Variants in DNM3 observed in about 807,000 individuals in gnomAD.
The protein encoded by DNM3 is dynamin-3.
DNM3 carries 47 observed loss-of-function variants against 101.6 expected under a neutral mutation model. That is an observed-to-expected ratio of 0.46 (90% CI 0.37 to 0.59). The LOEUF (loss-of-function observed/expected upper bound fraction) is 0.59, where lower values mean the gene tolerates loss of function less well. DNM3 is among the 20% of genes least tolerant of loss of function. The probability of loss-of-function intolerance (pLI) is 0.00; values close to 1 mark genes in which losing one functional copy is unlikely to be tolerated. For missense variants in DNM3, 849 were observed against 1,085.7 expected, an observed-to-expected ratio of 0.78 and a Z score of 3.06; for synonymous variants, 385 against 387.9, an observed-to-expected ratio of 0.99 and a Z score of 0.09.
At chr1:172,107,384 A>G (rs2147921994) in intron 13 of DNM3, among the ~76,000 whole-genome samples, 1 of 147,898 alleles carries the variant, frequency 6.8e-6, no homozygotes, top group Non-Finnish European at 1.5e-5. Flanking sequence ...TATAGTTACT[A>G]AGTGGAATGT....
chr1:171,985,656 T>C (rs2045196650), intron 2 of DNM3, among the ~76,000 whole-genome samples: 1 of 152,244 alleles, frequency 6.6e-6, no homozygotes, highest in Non-Finnish European at 1.5e-5. Context: ...CTCATGTCCA[T>C]GCATGTTGTC....
At chr1:171,975,259 G>T (rs1284368567) in intron 2 of DNM3, among the ~76,000 whole-genome samples, 1 of 152,146 alleles carries the variant, frequency 6.6e-6, no homozygotes, top group African/African-American at 2.4e-5. Flanking sequence ...CGTCTTATCA[G>T]ATGAATTGGC....
chr1:171,844,841 G>T (rs2031820027), intron 1 of DNM3, among the ~76,000 whole-genome samples: 3 of 152,014 alleles, frequency 2.0e-5, no homozygotes, highest in Admixed American at 6.6e-5. Flanking sequence ...GTATACAGAA[G>T]AATTGAATTT....
chr1:172,028,951 TAGATTCACAGCC>T (rs138404086), intron 4 of DNM3, among the ~76,000 whole-genome samples: 24,969 of 151,968 alleles, frequency 0.16, 2,623 homozygotes, highest in Non-Finnish European at 0.24. Context: ...CAGGACCAGA[TAGATTCACAGCC>T]AAATTCTACC....
chr1:172,146,798 T>C (rs2057922449), intron 14 of DNM3, among the ~76,000 whole-genome samples: 2 of 152,162 alleles, frequency 1.3e-5, no homozygotes, highest in African/African-American at 4.8e-5. Context: ...CTTTCATTTA[T>C]GTCCATAAGA....
At chr1:172,027,617 C>CACACACACACACACAGAGAG (rs34981346) in intron 4 of DNM3, among the ~76,000 whole-genome samples, 4 of 147,022 alleles carry the variant, frequency 2.7e-5, no homozygotes, top group African/African-American at 1.0e-4. Context: ...CACACACACA[C>CACACACACACACACAGAGAG]AGAGAGAGAG....
At chr1:172,154,655 G>A (rs530982396) in intron 14 of DNM3, among the ~76,000 whole-genome samples, 2 of 152,152 alleles carry the variant, frequency 1.3e-5, no homozygotes, top group South Asian at 4.1e-4. Flanking sequence ...TTTGGAATTT[G>A]CAAAACCTAA....
intron 10 of DNM3, among the ~76,000 whole-genome samples, chr1:172,063,909 G>A (rs186615786): frequency 6.6e-6 from 1 of 151,962 alleles, no homozygotes; most frequent in Non-Finnish European, 1.5e-5. Context: ...AATCCTCAGA[G>A]GACCTCTCAC....
At chr1:172,056,421 C>G (rs1386210943) in intron 10 of DNM3, among the ~76,000 whole-genome samples, 2 of 152,198 alleles carry the variant, frequency 1.3e-5, no homozygotes, top group East Asian at 3.9e-4. Flanking sequence ...CAGCAGTAAC[C>G]TCTGCAGACT....
intron 13 of DNM3, among the ~76,000 whole-genome samples, chr1:172,121,281 AG>A (rs2056302565): frequency 6.6e-6 from 1 of 152,240 alleles, no homozygotes; most frequent in Non-Finnish European, 1.5e-5. Flanking sequence ...GGTTTAGGTG[AG>A]TAAACTCTGA....
chr1:172,151,816 T>C (rs1361748819), intron 14 of DNM3, among the ~76,000 whole-genome samples: 1 of 152,026 alleles, frequency 6.6e-6, no homozygotes, highest in East Asian at 1.9e-4. Flanking sequence ...GCACTAATTG[T>C]TGTTTGTTTG....
At position 172,409,518 on chromosome 1, in the gene DNM3, T is replaced by C; in HGVS notation, c.*1677T>C. 2 of 984,538 alleles carry C rather than the reference T, an allele frequency of 2.0e-6. No homozygotes were observed. Among genetic ancestry groups the C allele is most frequent in the Non-Finnish European group, 2.4e-6 (2 of 829,130 alleles). 61.0% of individuals were successfully genotyped at this position (984,538 alleles called of 1,614,324 possible). A position where few individuals can be genotyped will look rare whatever the true frequency, so the allele number is the denominator to read the frequency against. On this transcript the variant is annotated 3_prime_UTR_variant, in exon 21 of 21. Coordinates refer to ENST00000627582, the MANE Select transcript of DNM3 (RefSeq NM_015569.5). The stretch of plus-strand genomic sequence containing the variant: ...ATTTACATAAAGGTCATTTCAACTT[T>C]TAAGGTTACCAGTGATTGTATAAAA...
At chr1:172,351,282 T>C in intron 17 of DNM3, among the ~76,000 whole-genome samples, 1 of 152,314 alleles carries the variant, frequency 6.6e-6, no homozygotes, top group South Asian at 2.1e-4. Context: ...TAAGAAATTT[T>C]TGTGTTCCAG....
intron 15 of DNM3, among the ~76,000 whole-genome samples, chr1:172,295,910 G>T (rs2064142535): frequency 6.6e-6 from 1 of 152,104 alleles, no homozygotes; most frequent in African/African-American, 2.4e-5. Flanking sequence ...CAAATGCAAA[G>T]AATAAGTGAA....
chr1:172,053,535 G>A (rs983414288), intron 10 of DNM3, among the ~76,000 whole-genome samples: 2 of 151,738 alleles, frequency 1.3e-5, no homozygotes, highest in African/African-American at 2.4e-5. Context: ...TTGATTGTAA[G>A]CTCCTTTGAA....
rs773210937 is a variant in DNM3 at position 172,387,228 on chromosome 1, C to T, written c.2154C>T (p.Arg718=). Residue 718 remains arginine, a synonymous_variant, in exon 19 of 21, where the codon CGC becomes CGT. Coordinates refer to ENST00000627582, the MANE Select transcript of DNM3 (RefSeq NM_015569.5). ...AGGAATCTGCTGAGCAGGCTCAGCG[C>T]CGGGATGAGATGCTTCGAATGTATC... ...LMEESAEQAQ[R]RDEMLRMYQA... is the part of the protein sequence containing the mutation. The T allele has an allele frequency of 6.2e-7, 1 of 1,613,996 alleles. No homozygotes were observed. Among genetic ancestry groups the T allele is most frequent in the Non-Finnish European group, 8.5e-7 (1 of 1,179,886 alleles).
intron 2 of DNM3, among the ~76,000 whole-genome samples, chr1:171,926,033 A>C (rs1044103861): frequency 3.3e-5 from 5 of 152,010 alleles, no homozygotes; most frequent in Non-Finnish European, 7.4e-5. Context: ...TTTACTTCTG[A>C]GTTCTCTGTT....
chr1:171,879,486 A>G (rs2036072239), intron 1 of DNM3, among the ~76,000 whole-genome samples: 1 of 152,218 alleles, frequency 6.6e-6, no homozygotes, highest in Admixed American at 6.5e-5. Context: ...TTAATATTTT[A>G]TCACTTAGAA....
At chr1:172,245,844 T>G (rs748392298) in intron 14 of DNM3, among the ~76,000 whole-genome samples, 2 of 152,158 alleles carry the variant, frequency 1.3e-5, no homozygotes, top group Non-Finnish European at 2.9e-5. Flanking sequence ...GTTCTAGTCA[T>G]CCACAGGTGT....
Sources: gnomAD v4.1 joint callset for allele counts (sites outside exome capture counted in the v4.1 genomes callset) on GRCh38, gnomAD v4.1.1 for gene constraint, MANE v1.5 for transcripts, NCBI Gene and HGNC (gene_info 2026-07-23, HGNC 2026-07-21) for gene names.